Variants in LINGO2 observed in about 807,000 individuals in gnomAD.
The protein encoded by LINGO2 is leucine-rich repeat and immunoglobulin-like domain-containing nogo receptor-interacting protein 2.
A neutral mutation model predicts 30.6 loss-of-function variants in LINGO2; 14 were observed. The ratio of observed to expected loss-of-function variants is 0.46; its 90% confidence interval spans 0.30 to 0.72. The LOEUF (loss-of-function observed/expected upper bound fraction) is 0.72, where lower values mean the gene tolerates loss of function less well. Among genes scored for constraint, LINGO2 ranks in the 30% least tolerant of loss-of-function variants. LINGO2 has a pLI of 0.07. For synonymous variants in LINGO2, 317 were observed against 288.5 expected (o/e 1.10, Z -1.00); for missense variants, 729 against 751.7 (o/e 0.97, Z 0.35).
At chr9:28,351,396 C>G (rs1048096854) in intron 3 of LINGO2, among the ~76,000 whole-genome samples, 3 of 151,034 alleles carry the variant, frequency 2.0e-5, no homozygotes, top group African/African-American at 7.3e-5. Context: ...ACTAGAAAAT[C>G]TAGAAGAAAT....
At chr9:28,845,505 C>G in the LINGO2 span, among the ~76,000 whole-genome samples, 2 of 151,788 alleles carry the variant, frequency 1.3e-5, no homozygotes, top group African/African-American at 4.9e-5. Flanking sequence ...TCCCACATAG[C>G]ATCTTTTCAA....
chr9:28,418,662 A>G (rs1199208311), intron 2 of LINGO2, among the ~76,000 whole-genome samples: 1 of 152,114 alleles, frequency 6.6e-6, no homozygotes, highest in Non-Finnish European at 1.5e-5. Context: ...AGTAAATGGC[A>G]AGATTAAAAG....
At chr9:28,035,345 C>CA (rs1563930744) in intron 4 of LINGO2, among the ~76,000 whole-genome samples, 2 of 152,354 alleles carry the variant, frequency 1.3e-5, no homozygotes, top group African/African-American at 4.8e-5. Flanking sequence ...CCTGTGCTCT[C>CA]ACTGTGGGTA....
intron 5 of LINGO2, among the ~76,000 whole-genome samples, chr9:27,954,411 G>A (rs1264022494): frequency 6.6e-6 from 1 of 152,064 alleles, no homozygotes; most frequent in Non-Finnish European, 1.5e-5. Context: ...TGCTCTCAAT[G>A]TTTTTAGCTC....
chr9:28,991,168 A>G, the LINGO2 span, among the ~76,000 whole-genome samples: 2 of 152,162 alleles, frequency 1.3e-5, no homozygotes, highest in Non-Finnish European at 1.5e-5. Context: ...AGAAGTGCTT[A>G]AAGGAGCTGA....
chr9:28,889,439 T>C, the LINGO2 span, among the ~76,000 whole-genome samples: 1 of 4,398 alleles, frequency 2.3e-4, no homozygotes, highest in Non-Finnish European at 1.2e-3. Flanking sequence ...TTGCTTCAGT[T>C]TTTTTTTTAA....
At chr9:28,589,053 A>G (rs1245971915) in intron 1 of LINGO2, among the ~76,000 whole-genome samples, 4 of 152,188 alleles carry the variant, frequency 2.6e-5, no homozygotes, top group Admixed American at 6.5e-5. Flanking sequence ...CAAAAACCAC[A>G]TGATTATCTC....
chr9:28,112,052 C>T (rs1257308822), intron 4 of LINGO2, among the ~76,000 whole-genome samples: 1 of 108,350 alleles, frequency 9.2e-6, no homozygotes, highest in Non-Finnish European at 1.9e-5. Flanking sequence ...AATGCTATCC[C>T]TCCCCCCTCC....
At chr9:28,991,079 G>A in the LINGO2 span, among the ~76,000 whole-genome samples, 30 of 152,246 alleles carry the variant, frequency 2.0e-4, no homozygotes, top group African/African-American at 6.7e-4. Context: ...GCTACAGGAG[G>A]AAATTCAAAC....
At chr9:28,560,932 C>A (rs1587864218) in intron 1 of LINGO2, among the ~76,000 whole-genome samples, 1 of 152,038 alleles carries the variant, frequency 6.6e-6, no homozygotes, top group African/African-American at 2.4e-5. Flanking sequence ...GCTATGGCTT[C>A]CCAAAGTGCC....
intron 4 of LINGO2, among the ~76,000 whole-genome samples, chr9:28,193,066 T>G (rs1564031834): frequency 6.6e-6 from 1 of 152,214 alleles, no homozygotes; most frequent in African/African-American, 2.4e-5. Context: ...ATTTAATTTA[T>G]TCCTAGAGGA....
At chr9:28,912,838 T>C in the LINGO2 span, among the ~76,000 whole-genome samples, 1 of 152,184 alleles carries the variant, frequency 6.6e-6, no homozygotes, top group African/African-American at 2.4e-5. Context: ...AAAAGATATG[T>C]CCTACTTCCT....
chr9:28,829,925 G>T, the LINGO2 span, among the ~76,000 whole-genome samples: 1 of 152,030 alleles, frequency 6.6e-6, no homozygotes, highest in Non-Finnish European at 1.5e-5. Flanking sequence ...AAAAGTAGTT[G>T]TATACATACT....
rs144656277 is a variant in LINGO2 at position 27,956,819 on chromosome 9, A to G, written c.-35-6113T>C. Among the ~76,000 whole-genome samples the G allele has an allele frequency of 2.4e-4, 37 of 152,274 alleles. No individual in the cohort carries two copies. In the East Asian group the frequency reaches 6.9e-3, roughly 29 times the overall value. ...AAAAGACTTTCCTTTCTGGCCAGAT[A>G]TGGTGGCTCACACGTGTAATCCCAG... On this transcript the variant is annotated intron_variant, in intron 5 of 5. Coordinates refer to ENST00000379992, the Ensembl canonical transcript of LINGO2.
At position 28,057,396 on chromosome 9, in the gene LINGO2, C is replaced by A. The variant is rs562314355; in HGVS notation, c.-86-44991G>T. The stretch of plus-strand genomic sequence containing the variant: ...TCTCAAGCTTATTTAATTATGGAAC[C>A]ATTTGCCAGTAAGCGCTTTTGAGGA... On this transcript the variant is annotated intron_variant, in intron 4 of 5. Coordinates refer to ENST00000379992, the Ensembl canonical transcript of LINGO2. 4.0e-5 allele frequency among the ~76,000 whole-genome samples: 6 copies of A among 151,526 alleles called. 1 individual carries two copies. The highest frequency in any genetic ancestry group is 7.3e-5 in the African/African-American group (3 of 41,348).
chr9:28,934,093 G>A, the LINGO2 span, among the ~76,000 whole-genome samples: 5 of 152,154 alleles, frequency 3.3e-5, no homozygotes, highest in African/African-American at 7.2e-5. Flanking sequence ...ACGACTGGGG[G>A]AAAAATGGAT....
chr9:28,186,276 A>G (rs1208581043), intron 4 of LINGO2, among the ~76,000 whole-genome samples: 1 of 152,186 alleles, frequency 6.6e-6, no homozygotes, highest in Non-Finnish European at 1.5e-5. Context: ...AAATTTCTAA[A>G]GAGGCGCTGA....
intron 4 of LINGO2, among the ~76,000 whole-genome samples, chr9:28,136,684 A>G (rs963105912): frequency 3.3e-5 from 5 of 152,180 alleles, no homozygotes; most frequent in African/African-American, 9.7e-5. Flanking sequence ...TTCCTCTCTT[A>G]TATCACATTA....
chr9:28,831,901 T>G, the LINGO2 span, among the ~76,000 whole-genome samples: 2 of 152,322 alleles, frequency 1.3e-5, no homozygotes, highest in Admixed American at 1.3e-4. Flanking sequence ...AATTTTATAT[T>G]TATTATTTGA....
Sources: gnomAD v4.1 joint callset for allele counts (sites outside exome capture counted in the v4.1 genomes callset) on GRCh38, gnomAD v4.1.1 for gene constraint, MANE v1.5 for transcripts, NCBI Gene and HGNC (gene_info 2026-07-23, HGNC 2026-07-21) for gene names.